ROBO2: variants seen among roughly 807,000 people sequenced by gnomAD.
ROBO2 encodes roundabout homolog 2.
ROBO2 carries 53 observed loss-of-function variants against 160.8 expected under a neutral mutation model. The observed-to-expected ratio is 0.33, with a 90% CI of 0.26 to 0.41. The LOEUF is 0.41. Among genes scored for constraint, ROBO2 ranks in the 10% least tolerant of loss-of-function variants. The pLI, the probability that ROBO2 is intolerant of heterozygous loss-of-function variation, is 1.00. For missense variants in ROBO2, 1,577 were observed against 1,722.4 expected (o/e 0.92, Z 1.49); for synonymous variants, 664 against 611.7 (o/e 1.09, Z -1.26).
At chr3:77,049,441 T>C (rs559987075) in intron 1 of ROBO2, among the ~76,000 whole-genome samples, 159 of 152,308 alleles carry the variant, frequency 1.0e-3, no homozygotes, top group African/African-American at 3.7e-3. Flanking sequence ...ATCTGTGTTT[T>C]GGTGTGGGTT....
At chr3:77,551,030 T>C in intron 8 of ROBO2, 41 bp downstream of exon 9, 6 of 1,599,530 alleles carry the variant, frequency 3.8e-6, no homozygotes, top group Non-Finnish European at 5.1e-6. Flanking sequence ...AAAACATTGA[T>C]TTTTATTTCT....
intron 2 of ROBO2, among the ~76,000 whole-genome samples, chr3:76,091,819 T>C (rs993600064): frequency 1.3e-5 from 2 of 152,040 alleles, no homozygotes; most frequent in African/African-American, 4.8e-5. Flanking sequence ...AATAAGCCAA[T>C]ATGAAAAGGC....
intron 2 of ROBO2, among the ~76,000 whole-genome samples, chr3:76,856,221 A>G (rs2070057341): frequency 1.3e-5 from 2 of 152,258 alleles, no homozygotes; most frequent in South Asian, 4.1e-4. Context: ...AAGGAGTCAC[A>G]GCAGCAAAAA....
chr3:77,622,765 A>G (rs983406056), intron 23 of ROBO2, among the ~76,000 whole-genome samples: 3 of 152,212 alleles, frequency 2.0e-5, no homozygotes, highest in African/African-American at 4.8e-5. Context: ...TTTTTTATAT[A>G]TATCAGGAAT....
At chr3:77,555,323 G>A (rs1420464870) in intron 8 of ROBO2, among the ~76,000 whole-genome samples, 1 of 151,820 alleles carries the variant, frequency 6.6e-6, no homozygotes, top group Non-Finnish European at 1.5e-5. Context: ...CAATACCCCT[G>A]AGATATGCCT....
chr3:77,094,893 T>C (rs1382253339), intron 1 of ROBO2, among the ~76,000 whole-genome samples: 1 of 152,204 alleles, frequency 6.6e-6, no homozygotes, highest in Non-Finnish European at 1.5e-5. Context: ...TGATTATTTA[T>C]ATTTTTATTG....
intron 2 of ROBO2, among the ~76,000 whole-genome samples, chr3:77,475,626 G>A (rs868830559): frequency 2.0e-5 from 3 of 152,146 alleles, no homozygotes; most frequent in Admixed American, 6.5e-5. Flanking sequence ...TGCCAGTACC[G>A]GATATTGTAG....
Position 76,540,706 on chromosome 3 carries a change from CACAA to C in ROBO2, c.110-557302_110-557299del, listed in dbSNP as rs570567556. The stretch of plus-strand genomic sequence containing the variant: ...CTTATTCTCTATGAATTTTGAAATT[CACAA>C]ACAAAGGACCATTGGCCTTGACATA... On this transcript the variant is annotated intron_variant, in intron 2 of 26. Transcript: ENST00000487694. Among the ~76,000 whole-genome samples, 17 of 152,156 alleles carry C rather than the reference CACAA, an allele frequency of 1.1e-4. No homozygotes were observed. In the South Asian group the frequency reaches 3.1e-3, roughly 28 times the overall value.
chr3:76,605,189 T>C (rs1343670143), intron 2 of ROBO2, among the ~76,000 whole-genome samples: 1 of 152,182 alleles, frequency 6.6e-6, no homozygotes, highest in Non-Finnish European at 1.5e-5. Flanking sequence ...ATAATCTTTC[T>C]AAAATAGTTA....
chr3:76,633,313 G>C (rs1022440214), intron 2 of ROBO2, among the ~76,000 whole-genome samples: 3 of 152,078 alleles, frequency 2.0e-5, no homozygotes, highest in African/African-American at 7.2e-5. Context: ...AGGCAAGCAA[G>C]TACTTGAGAG....
At chr3:77,016,611 A>G (rs1241145807) in intron 2 of ROBO2, among the ~76,000 whole-genome samples, 1 of 152,202 alleles carries the variant, frequency 6.6e-6, no homozygotes, top group Non-Finnish European at 1.5e-5. Context: ...CTACAAAAAC[A>G]GTTTCACATG....
At chr3:76,390,272 A>G (rs747326275) in intron 2 of ROBO2, among the ~76,000 whole-genome samples, 1 of 152,148 alleles carries the variant, frequency 6.6e-6, no homozygotes, top group Non-Finnish European at 1.5e-5. Context: ...TGTTTTTACA[A>G]TACTGAGTCC....
chr3:76,331,707 G>A (rs1291284452), intron 2 of ROBO2, among the ~76,000 whole-genome samples: 1 of 118,186 alleles, frequency 8.5e-6, no homozygotes, highest in African/African-American at 3.0e-5. Flanking sequence ...TTTTTTTTTC[G>A]AGACGTAATC....
At chr3:76,745,680 T>C (rs1295637267) in intron 2 of ROBO2, among the ~76,000 whole-genome samples, 5 of 152,090 alleles carry the variant, frequency 3.3e-5, no homozygotes, top group African/African-American at 4.8e-5. Context: ...ATTCTTTATA[T>C]ATTGGAGGAC....
rs77868814 is a variant in ROBO2 at position 77,302,343 on chromosome 3, A to G, written c.389-175071A>G. On this transcript the variant is annotated intron_variant, in intron 2 of 25. Coordinates refer to ENST00000461745, the Ensembl canonical transcript of ROBO2. ...AATGAATACATATAAACTACTTAGA[A>G]CAGTGTCTTGTTTGTGGTGCGCCCT... Among the ~76,000 whole-genome samples the G allele has an allele frequency of 4.9e-3, 746 of 152,156 alleles. 5 individuals carry two copies. Among genetic ancestry groups the G allele is most frequent in the African/African-American group, 0.017 (716 of 41,532 alleles).
At chr3:76,584,668 T>C (rs968759114) in intron 2 of ROBO2, among the ~76,000 whole-genome samples, 1 of 152,132 alleles carries the variant, frequency 6.6e-6, no homozygotes, top group Non-Finnish European at 1.5e-5. Flanking sequence ...ACAGTAAATA[T>C]CTCACAGCCA....
intron 2 of ROBO2, among the ~76,000 whole-genome samples, chr3:76,490,365 C>T (rs1285746075): frequency 2.0e-5 from 3 of 152,204 alleles, no homozygotes; most frequent in African/African-American, 7.2e-5. Context: ...ATAGTCTTCT[C>T]TCCTTTTGGG....
chr3:77,502,381 A>C (rs1438755119), intron 5 of ROBO2, among the ~76,000 whole-genome samples: 1 of 152,168 alleles, frequency 6.6e-6, no homozygotes, highest in Non-Finnish European at 1.5e-5. Flanking sequence ...ATATATGTTT[A>C]TTATGTCAAA....
At chr3:76,107,722 A>G (rs1005180082) in intron 2 of ROBO2, among the ~76,000 whole-genome samples, 14 of 152,256 alleles carry the variant, frequency 9.2e-5, no homozygotes, top group African/African-American at 3.4e-4. Flanking sequence ...GTTGAAGTGC[A>G]TAAATCACAT....
Sources: gnomAD v4.1 joint callset for allele counts (sites outside exome capture counted in the v4.1 genomes callset) on GRCh38, gnomAD v4.1.1 for gene constraint, MANE v1.5 for transcripts, NCBI Gene and HGNC (gene_info 2026-07-23, HGNC 2026-07-21) for gene names.